SGIP1: variants seen among roughly 807,000 people sequenced by gnomAD.
SGIP1 encodes the protein SH3-containing GRB2-like protein 3-interacting protein 1.
SGIP1 carries 38 observed loss-of-function variants against 107.5 expected under a neutral mutation model. The ratio of observed to expected loss-of-function variants is 0.35; its 90% CI spans 0.27 to 0.46. The LOEUF (loss-of-function observed/expected upper bound fraction) is 0.46. SGIP1 is among the 20% of genes least tolerant of loss of function. The pLI, the probability that SGIP1 is intolerant of heterozygous loss-of-function variation, is 1.00. For synonymous variants in SGIP1, 365 were observed against 366.1 expected, an observed-to-expected ratio of 1.00 and a Z score of 0.03; for missense variants, 929 against 1,019.5, an observed-to-expected ratio of 0.91 and a Z score of 1.21.
intron 20 of SGIP1, 42 bp from the exon 21 acceptor site, chr1:66,733,701 ATTTGT>A: frequency 6.3e-7 from 1 of 1,593,262 alleles, no homozygotes; most frequent in South Asian, 1.1e-5. Flanking sequence ...TAGGGTTTAT[ATTTGT>A]TTTAAGATGC....
chr1:66,705,951 C>T (rs6668603), intron 18 of SGIP1, among the ~76,000 whole-genome samples: 94,947 of 151,650 alleles, frequency 0.63, 30,471 homozygotes, highest in East Asian at 1. Context: ...GACGGGTTGA[C>T]GGGTGCAGCA....
At chr1:66,704,348 C>G (rs1388514514) in intron 18 of SGIP1, 1 of 152,092 alleles carries the variant, frequency 6.6e-6, no homozygotes, top group African/African-American at 2.4e-5. Context: ...CACTGCGTTG[C>G]TGTACACCCT....
At position 66,744,745 on chromosome 1, in the gene SGIP1, G is replaced by A. The variant is rs182569108; in HGVS notation, c.*1650G>A. ...CTCCTCTATCAGTGCTTGCTACCAA[G>A]AGAATGTCCAAAATGATTTGTTTTA... On this transcript the variant is annotated 3_prime_UTR_variant, in exon 25 of 25. Transcript: ENST00000371037. 10 of 152,480 alleles carry A rather than the reference G, an allele frequency of 6.6e-5. 1 individual carries two copies. The East Asian group carries it at 1.9e-3, about 29-fold the overall frequency. The allele number at this position is 152,480 out of a possible 1,614,324, so 9.4% of individuals were successfully genotyped here. A position where few individuals can be genotyped will look rare whatever the true frequency, so the allele number is the denominator to read the frequency against.
intron 20 of SGIP1, among the ~76,000 whole-genome samples, chr1:66,731,759 T>C (rs1185380663): frequency 6.6e-6 from 1 of 152,222 alleles, no homozygotes; most frequent in Non-Finnish European, 1.5e-5. Context: ...CTTTAGTGTC[T>C]ATCATCAGCC....
intron 1 of SGIP1, among the ~76,000 whole-genome samples, chr1:66,603,670 T>C (rs1057336701): frequency 2.6e-5 from 4 of 152,162 alleles, no homozygotes; most frequent in African/African-American, 9.6e-5. Flanking sequence ...GCCTAATTTT[T>C]TTAAGCAAAA....
Position 66,748,138 on chromosome 1 carries a change from G to A in SGIP1, c.*5043G>A, listed in dbSNP as rs1470233704. On this transcript the variant is annotated 3_prime_UTR_variant, in exon 25 of 25. Coordinates refer to ENST00000371037, the MANE Select transcript of SGIP1 (RefSeq NM_032291.4). The stretch of plus-strand genomic sequence containing the variant: ...TATTGTATTTTCCCTGCTCCTTTAG[G>A]CTTTTTTTTCATGTGGAAAACAGTA... 1 of 151,630 alleles carries A rather than the reference G, an allele frequency of 6.6e-6. No homozygotes were observed. Among genetic ancestry groups the A allele is most frequent in the Non-Finnish European group, 1.5e-5 (1 of 67,796 alleles). The allele number at this position is 151,630 out of a possible 1,614,324, so 9.4% of individuals were successfully genotyped here.
At chr1:66,673,486 A>G (rs2084373644) in intron 12 of SGIP1, 120 bp downstream of exon 12, 1 of 927,420 alleles carries the variant, frequency 1.1e-6, no homozygotes, top group Non-Finnish European at 1.5e-6. Context: ...CGTGGGAAAG[A>G]AAAGTTTCAA....
At chr1:66,627,951 A>T (rs1026618654) in intron 2 of SGIP1, among the ~76,000 whole-genome samples, 5 of 140,724 alleles carry the variant, frequency 3.6e-5, no homozygotes, top group Non-Finnish European at 7.5e-5. Flanking sequence ...CCTGTGTTCA[A>T]GTGTTCTCAT....
At chr1:66,713,770 A>G (rs1002728357) in intron 18 of SGIP1, among the ~76,000 whole-genome samples, 23 of 152,272 alleles carry the variant, frequency 1.5e-4, no homozygotes, top group African/African-American at 5.5e-4. Context: ...TATTCAAATA[A>G]TTTGTTTATT....
intron 18 of SGIP1, among the ~76,000 whole-genome samples, chr1:66,717,413 C>A (rs2093307108): frequency 6.6e-6 from 1 of 152,062 alleles, no homozygotes; most frequent in Non-Finnish European, 1.5e-5. Flanking sequence ...TTTCTGAGAC[C>A]CAACCATGGA....
intron 23 of SGIP1, 82 bp from the exon 24 acceptor site, chr1:66,741,190 G>A (rs934772315): frequency 3.9e-5 from 54 of 1,385,822 alleles, no homozygotes; most frequent in Middle Eastern, 2.1e-4. Context: ...GATTTTGTAC[G>A]TTAACTTTTG....
chr1:66,539,243 G>T (rs1312023476), intron 1 of SGIP1, among the ~76,000 whole-genome samples: 1 of 152,184 alleles, frequency 6.6e-6, no homozygotes. Flanking sequence ...GTCATAGGTA[G>T]AACAGAATTG....
chr1:66,707,944 C>G (rs1253800199), intron 18 of SGIP1, among the ~76,000 whole-genome samples: 1 of 152,128 alleles, frequency 6.6e-6, no homozygotes, highest in East Asian at 1.9e-4. Context: ...ATATATTTAA[C>G]AAGTAAGATT....
At chr1:66,548,119 C>T (rs1024139897) in intron 1 of SGIP1, among the ~76,000 whole-genome samples, 4 of 152,018 alleles carry the variant, frequency 2.6e-5, no homozygotes, top group East Asian at 1.9e-4. Context: ...GGAAAGCCAC[C>T]GGAGAGGGTG....
intron 8 of SGIP1, among the ~76,000 whole-genome samples, chr1:66,663,479 T>C (rs1382667604): frequency 6.6e-6 from 1 of 152,122 alleles, no homozygotes; most frequent in African/African-American, 2.4e-5. Context: ...TTTTCTGTCC[T>C]TGTCCAGCAT....
At chr1:66,664,801 C>A (rs1425731435) in intron 8 of SGIP1, among the ~76,000 whole-genome samples, 5 of 151,142 alleles carry the variant, frequency 3.3e-5, no homozygotes, top group Non-Finnish European at 7.4e-5. Flanking sequence ...GGAAACTGAC[C>A]AACAGCTCTT....
intron 1 of SGIP1, among the ~76,000 whole-genome samples, chr1:66,562,173 C>T (rs1338435648): frequency 6.6e-6 from 1 of 151,906 alleles, no homozygotes; most frequent in Non-Finnish European, 1.5e-5. Context: ...CAGCAGAGTG[C>T]CAGAGTATAT....
chr1:66,701,637 G>A (rs72920337), intron 18 of SGIP1, among the ~76,000 whole-genome samples: 3,350 of 152,214 alleles, frequency 0.022, 126 homozygotes, highest in African/African-American at 0.078. Flanking sequence ...CAGTTCTGCC[G>A]AGGATTTCAG....
chr1:66,706,320 CTATA>C (rs1260800194), intron 18 of SGIP1, among the ~76,000 whole-genome samples: 1 of 136,096 alleles, frequency 7.3e-6, no homozygotes, highest in Non-Finnish European at 1.5e-5. Context: ...AAAATATAAA[CTATA>C]TATTATATAA....
Sources: gnomAD v4.1 joint callset for allele counts (sites outside exome capture counted in the v4.1 genomes callset) on GRCh38, gnomAD v4.1.1 for gene constraint, MANE v1.5 for transcripts, NCBI Gene and HGNC (gene_info 2026-07-23, HGNC 2026-07-21) for gene names.